Variants in AGBL5 observed in about 807,000 individuals in gnomAD.
AGBL5 encodes cytosolic carboxypeptidase-like protein 5.
In AGBL5, 51 loss-of-function variants were observed where a neutral mutation model predicts 88.0. The observed-to-expected ratio is 0.58, with a 90% confidence interval of 0.46 to 0.73. AGBL5 has a LOEUF of 0.73. Ranked by LOEUF, AGBL5 falls within the 30% of genes least tolerant of loss-of-function variation. AGBL5 has a pLI of 0.00. For synonymous variants in AGBL5, 446 were observed against 438.8 expected (o/e 1.02, Z -0.21); for missense variants, 1,031 against 1,162.2 (o/e 0.89, Z 1.64).
intron 1 of AGBL5, 125 bp from the exon 2 acceptor site, chr2:27,052,788 A>C: frequency 1.9e-6 from 1 of 521,516 alleles, no homozygotes; most frequent in East Asian, 3.4e-5. Flanking sequence ...GTTTTCTAAG[A>C]GGGAGACAGC....
chr2:27,053,319 A>C lies in AGBL5; in HGVS notation c.216-83A>C. ...TCTCCTTGCCAAATAGCCCTTTCCCAGTTTGGCTGGCTCCGGCTCTCCCAC... is the reference window on the plus strand; with the variant it reads ...TCTCCTTGCCAAATAGCCCTTTCCCCGTTTGGCTGGCTCCGGCTCTCCCAC... On this transcript the variant is annotated intron_variant, in intron 2 of 14. Transcript: ENST00000360131. The surrounding 1 kb of genome is among the most constrained non-coding windows in gnomAD (Gnocchi z 4.9). 1 of 1,550,574 alleles carries C rather than the reference A, an allele frequency of 6.4e-7. No homozygotes were observed. The highest frequency in any genetic ancestry group is 8.7e-7 in the Non-Finnish European group (1 of 1,143,894).
In AGBL5 at chr2:27,067,515, G is replaced by C. The variant is rs757849298; in HGVS notation, c.2111G>C (p.Arg704Thr). ...TCAGAGCCCCGAAGCCAGGACAGGA[G>C]ACGGCAGCAGCAGCCCCTGAACCAT... ...PVREPRSQDR[R>T]RQQQPLNHRP... The change falls in exon 12 of 15, where the codon AGA becomes ACA. Residue 704 changes from arginine to threonine, a missense_variant. Coordinates refer to ENST00000360131, the MANE Select transcript of AGBL5 (RefSeq NM_021831.6). 1 of 1,614,108 alleles carries C rather than the reference G, an allele frequency of 6.2e-7. No homozygotes were observed. Among genetic ancestry groups the C allele is most frequent in the Non-Finnish European group, 8.5e-7 (1 of 1,180,020 alleles).
At position 27,070,518 on chromosome 2, in the gene AGBL5, G is replaced by T; in HGVS notation, c.*255G>T. 1 of 470,146 alleles carries T rather than the reference G, an allele frequency of 2.1e-6. No homozygotes were observed. 29.1% of individuals were successfully genotyped at this position (470,146 alleles called of 1,614,324 possible). On this transcript the variant is annotated 3_prime_UTR_variant, in exon 15 of 15. Coordinates refer to ENST00000360131, the MANE Select transcript of AGBL5 (RefSeq NM_021831.6). ...TCTATATTTTTATATTGGGGGGAGG[G>T]AGTAGAAAAGCAAGCCCCTATACTG... is the stretch of plus-strand genomic sequence containing the variant.
At position 27,070,390 on chromosome 2, in the gene AGBL5, T is replaced by C. The variant is rs1669228760; in HGVS notation, c.*127T>C. ...TAAGTCCTTGGAATGCCAGCCACGC[T>C]GTCCAAGGCATTACAGAGTATCACC... On this transcript the variant is annotated 3_prime_UTR_variant, in exon 15 of 15. Coordinates refer to ENST00000360131, the MANE Select transcript of AGBL5 (RefSeq NM_021831.6). 2 of 961,268 alleles carry C rather than the reference T, an allele frequency of 2.1e-6. No homozygotes were observed. Among genetic ancestry groups the C allele is most frequent in the Non-Finnish European group, 3.2e-6 (2 of 626,470 alleles). 59.5% of individuals were successfully genotyped at this position (961,268 alleles called of 1,614,324 possible).
chr2:27,061,230 ATTTTTTT>A lies in AGBL5; in HGVS notation c.2089+1844_2089+1850del, dbSNP rs57209192. ...AGGTGCATGCCACCACATCCAGCTA[ATTTTTTT>A]TTTTTTTTTTTTTTTTTGAGACCGA... is the stretch of plus-strand genomic sequence containing the variant. On this transcript the variant is annotated intron_variant, in intron 11 of 14. Transcript: ENST00000360131. 484 of 111,122 alleles carry A rather than the reference ATTTTTTT, an allele frequency of 4.4e-3. 2 individuals are homozygous for A. Among genetic ancestry groups the A allele is most frequent in the Non-Finnish European group, 6.3e-3 (345 of 55,148 alleles). 6.9% of individuals were successfully genotyped at this position (111,122 alleles called of 1,614,324 possible). A position where few individuals can be genotyped will look rare whatever the true frequency, so the allele number is the denominator to read the frequency against.
At position 27,052,935 on chromosome 2, in the gene AGBL5, G is replaced by A; in HGVS notation, c.-24G>A. 1 of 1,571,284 alleles carries A rather than the reference G, an allele frequency of 6.4e-7. No homozygotes were observed. Among genetic ancestry groups the A allele is most frequent in the African/African-American group, 1.3e-5 (1 of 74,368 alleles). ...CAGCTCTCAGGGCCAGAGCGGGGCA[G>A]GAGGATGCTTTCCCAGCCCCACCAT... On this transcript the variant is annotated 5_prime_UTR_variant, in exon 2 of 15. Coordinates refer to ENST00000360131, the MANE Select transcript of AGBL5 (RefSeq NM_021831.6).
Position 27,069,616 on chromosome 2 carries a change from G to A in AGBL5, c.2399G>A (p.Gly800Glu), listed in dbSNP as rs150715804. 7.3e-5 allele frequency: 118 copies of A among 1,614,204 alleles called. No homozygotes were observed. In the African/African-American group the frequency reaches 1.4e-3, roughly 19 times the overall value. ...CGGGGCTCACCGCCGACTCGCAGAG[G>A]GATGAAAGGCTCTTCAGGCCCCACA... ...LGRGSPPTRR[G>E]MKGSSGPTSP... is the part of the protein sequence containing the mutation. The change falls in exon 14 of 15, where the codon GGG becomes GAG. Residue 800 changes from glycine to glutamate, a missense_variant. Gly to Glu is a moderately conservative substitution (Grantham distance 98, BLOSUM62 -2). Around this residue, in one of 2 missense-constraint regions of AGBL5, gnomAD observed 491 missense variants for 484.0 expected, o/e 1.01. Transcript: ENST00000360131.
intron 11 of AGBL5, among the ~76,000 whole-genome samples, chr2:27,066,066 CT>C (rs912868892): frequency 1.3e-5 from 2 of 152,078 alleles, no homozygotes; most frequent in Non-Finnish European, 2.9e-5. Context: ...CCAGACCACC[CT>C]GGGCAACATG....
intron 13 of AGBL5, chr2:27,069,008 C>T (rs376221186): frequency 7.7e-6 from 11 of 1,426,580 alleles, no homozygotes; most frequent in Non-Finnish European, 1.0e-5. Flanking sequence ...CTTTGGCTTT[C>T]CCTGCCCCTG....
chr2:27,056,460 T>C lies in AGBL5; in HGVS notation c.1366-163T>C. 4.3e-6 allele frequency: 3 copies of C among 698,414 alleles called. No homozygotes were observed. The South Asian group carries it at 7.1e-5, about 17-fold the overall frequency. The allele number at this position is 698,414 out of a possible 1,614,324, so 43.3% of individuals were successfully genotyped here. On this transcript the variant is annotated intron_variant, in intron 7 of 14. Transcript: ENST00000360131. ...AAAAAAAGAATTGCTTCCCAACACC[T>C]AGAAGTAATGTCAAACTGAGAATTC... is the stretch of plus-strand genomic sequence containing the variant.
chr2:27,051,095 C>G (rs1486344469), upstream of AGBL5: 1 of 152,218 alleles, frequency 6.6e-6, no homozygotes, highest in Non-Finnish European at 1.5e-5. Context: ...TAGAATCTTG[C>G]ACATGGATGC....
At chr2:27,057,093 G>A (rs1668471230) in intron 8 of AGBL5, 1 of 571,822 alleles carries the variant, frequency 1.7e-6, no homozygotes. Context: ...TAGCATTATT[G>A]TCTTTAGTCT....
Position 27,055,985 on chromosome 2 carries a change from T to G in AGBL5, c.1212T>G (p.Ile404Met). The change falls in exon 7 of 15, where the codon ATT becomes ATG. Residue 404 changes from isoleucine (I) to methionine (M), a missense_variant. Physicochemically the swap from Ile to Met is conservative, Grantham distance 10. Around this residue, in one of 2 missense-constraint regions of AGBL5, gnomAD observed 540 missense variants for 678.2 expected, o/e 0.80. Coordinates refer to ENST00000360131, the MANE Select transcript of AGBL5 (RefSeq NM_021831.6). ...PAEQKLNSVW[I>M]MPQQSAGLEE... The stretch of plus-strand genomic sequence containing the variant: ...AACAGAAGCTCAACAGTGTGTGGAT[T>G]ATGCCACAACAGTCTGCGGGGCTTG... 6.2e-7 allele frequency: 1 copy of G among 1,614,232 alleles called. No homozygotes were observed. Among genetic ancestry groups the G allele is most frequent in the Non-Finnish European group, 8.5e-7 (1 of 1,180,042 alleles).
At chr2:27,064,752 C>CTTTTT (rs58558379) in intron 11 of AGBL5, among the ~76,000 whole-genome samples, 5 of 62,762 alleles carry the variant, frequency 8.0e-5, no homozygotes, top group East Asian at 5.7e-4. Flanking sequence ...GGTTTGGAAC[C>CTTTTT]TTTTTTTTTT....
rs879302174 is a variant in AGBL5 at position 27,056,768 on chromosome 2, A to G, written c.1511A>G (p.Tyr504Cys). ...GAGGGAAGCGGCCGTGTTGCAATCT[A>G]CAAAGCCTCAGGGATAATCCACAGG... is the stretch of plus-strand genomic sequence containing the variant. ...SKEGSGRVAIYKASGIIHSYT... is the reference protein window; with the variant it reads ...SKEGSGRVAICKASGIIHSYT... Residue 504 changes from tyrosine (Y) to cysteine (C), a missense_variant, in exon 8 of 15, where the codon TAC becomes TGC. Tyr to Cys is a radical substitution (Grantham distance 194, BLOSUM62 -2). This residue lies in a region of AGBL5 where 540 missense variants were observed against 678.2 expected (regional missense o/e 0.80). Coordinates refer to ENST00000360131, the MANE Select transcript of AGBL5 (RefSeq NM_021831.6). 8 of 1,612,498 alleles carry G rather than the reference A, an allele frequency of 5.0e-6. No homozygotes were observed. The East Asian group carries it at 8.9e-5, about 18-fold the overall frequency.
intron 11 of AGBL5, among the ~76,000 whole-genome samples, chr2:27,060,274 G>A (rs1016318385): frequency 2.6e-5 from 4 of 152,262 alleles, no homozygotes; most frequent in African/African-American, 9.6e-5. Flanking sequence ...AGTGAGCACA[G>A]TTGCTTAACT....
rs940810142 is a variant in AGBL5 at position 27,069,055 on chromosome 2, C to T, written c.2355+311C>T. 1.1e-5 allele frequency: 15 copies of T among 1,370,496 alleles called. No homozygotes were observed. The East Asian group carries it at 1.2e-4, about 11-fold the overall frequency. The allele number at this position is 1,370,496 out of a possible 1,614,324, so 84.9% of individuals were successfully genotyped here. ...TCCTCTCTTTCTGCCCAGACCTGTC[C>T]GAGGAGAGTTTCCGCCAGGAGGGGT... On this transcript the variant is annotated intron_variant, in intron 13 of 14. Transcript: ENST00000360131.
At position 27,053,559 on chromosome 2, in the gene AGBL5, C is replaced by T. The variant is rs774637475; in HGVS notation, c.373C>T (p.Arg125Trp). Residue 125 changes from arginine (R) to tryptophan (W), a missense_variant, in exon 3 of 15, where the codon CGG becomes TGG. Arg to Trp is a moderately radical substitution (Grantham distance 101, BLOSUM62 -3). Around this residue, in one of 2 missense-constraint regions of AGBL5, gnomAD observed 540 missense variants for 678.2 expected, o/e 0.80. Transcript: ENST00000360131. The surrounding 1 kb of genome is among the most constrained non-coding windows in gnomAD (Gnocchi z 4.9). ...TRPRWERIRDRPTFEMTETQF... is the reference protein window; with the variant it reads ...TRPRWERIRDWPTFEMTETQF... ...GCCACGCTGGGAACGCATTCGAGACCGGCCCACCTTTGAGGTAAGTTCTCC... is the reference window on the plus strand; with the variant it reads ...GCCACGCTGGGAACGCATTCGAGACTGGCCCACCTTTGAGGTAAGTTCTCC... 17 of 1,612,796 alleles carry T rather than the reference C, an allele frequency of 1.1e-5. No homozygotes were observed. The highest frequency in any genetic ancestry group is 4.5e-5 in the East Asian group (2 of 44,884).
chr2:27,068,694 G>C lies in AGBL5; in HGVS notation c.2305G>C (p.Gly769Arg). 3 of 1,614,130 alleles carry C rather than the reference G, an allele frequency of 1.9e-6. No homozygotes were observed. Among genetic ancestry groups the C allele is most frequent in the Non-Finnish European group, 2.5e-6 (3 of 1,180,024 alleles). Reference protein sequence around the residue: ...KPEAVMVIGKGLLGTGARMPC... With the variant: ...KPEAVMVIGKRLLGTGARMPC... ...AGAGGCTGTCATGGTAATCGGGAAA[G>C]GTCTGCTAGGGACTGGAGCTCGGAT... Residue 769 changes from glycine to arginine, a missense_variant, in exon 13 of 15, where the codon GGT becomes CGT. Physicochemically the swap from Gly to Arg is moderately radical, Grantham distance 125 (BLOSUM62 -2). This residue lies in a region of AGBL5 where 491 missense variants were observed against 484.0 expected (regional missense o/e 1.01). Coordinates refer to ENST00000360131, the MANE Select transcript of AGBL5 (RefSeq NM_021831.6).
Sources: allele counts gnomAD v4.1 joint callset (sites outside exome capture counted in the v4.1 genomes callset), GRCh38; gene constraint gnomAD v4.1.1; regional missense constraint gnomAD v4.1.1; non-coding constraint Gnocchi (gnomAD v3.1); transcripts MANE v1.5; gene names NCBI Gene and HGNC (gene_info 2026-07-23, HGNC 2026-07-21).